The following VAT1L variants were observed in gnomAD, a reference collection of about 807,000 sequenced individuals.
VAT1L encodes putative NADPH-dependent quinone oxidoreductase VAT1L.
A neutral mutation model predicts 44.1 loss-of-function variants in VAT1L; 34 were observed. The observed-to-expected ratio is 0.77, with a 90% CI of 0.59 to 1.03. The LOEUF (loss-of-function observed/expected upper bound fraction) is 1.03. Ranked by LOEUF, VAT1L falls within the 50% of genes least tolerant of loss-of-function variation. The pLI is 0.00. For missense variants in VAT1L, 615 were observed against 538.8 expected, an observed-to-expected ratio of 1.14 and a Z score of -1.40; for synonymous variants, 253 against 202.2, an observed-to-expected ratio of 1.25 and a Z score of -2.13.
At chr16:77,892,472 C>T in intron 7 of VAT1L, 1 of 521,378 alleles carries the variant, frequency 1.9e-6, no homozygotes. Context: ...GATGGTGGGC[C>T]CTTGTGTCTC....
At chr16:77,975,343 G>A (rs1353868694) in intron 8 of VAT1L, among the ~76,000 whole-genome samples, 1 of 151,550 alleles carries the variant, frequency 6.6e-6, no homozygotes, top group Non-Finnish European at 1.5e-5. Flanking sequence ...TAGAATAGCT[G>A]GGATTAGAGG....
chr16:77,791,314 T>C (rs751912527), intron 1 of VAT1L, among the ~76,000 whole-genome samples: 5 of 152,354 alleles, frequency 3.3e-5, no homozygotes, highest in Admixed American at 3.3e-4. Context: ...TAATAGGATA[T>C]GCTTTTTGCT....
chr16:77,930,009 A>C lies in VAT1L; in HGVS notation c.1078-41841A>C, dbSNP rs2017711169. Among the ~76,000 whole-genome samples the C allele has an allele frequency of 3.9e-5, 6 of 152,244 alleles. No individual in the cohort carries two copies. The South Asian group carries it at 8.3e-4, about 21-fold the overall frequency. Reference sequence around the variant, plus strand: ...TTTCTTCCTGCGTGCCTTTCCAGAAAAGATGTCTTATTTCCAAATGAACCT... The same window carrying C: ...TTTCTTCCTGCGTGCCTTTCCAGAACAGATGTCTTATTTCCAAATGAACCT... On this transcript the variant is annotated intron_variant, in intron 7 of 8. Coordinates refer to ENST00000302536, the MANE Select transcript of VAT1L (RefSeq NM_020927.3).
rs1324712537 is a variant in VAT1L, at chr16:77,788,713, G to A, written c.31G>A (p.Glu11Lys). Residue 11 changes from glutamate (E) to lysine (K), a missense_variant, in exon 1 of 9, where the codon GAG becomes AAG. By Grantham distance (56) the Glu-to-Lys change is moderately conservative. Transcript: ENST00000302536. ...CAAGGAAGGCGTGGAGAAGGCGGAG[G>A]AGACGGAGCAAATGATCGAGAAGGA... MAKEGVEKAE[E>K]TEQMIEKEAG... 3.9e-6 allele frequency: 6 copies of A among 1,554,730 alleles called. No individual in the cohort carries two copies. The highest frequency in any genetic ancestry group is 1.8e-4 in the Middle Eastern group (1 of 5,578).
intron 4 of VAT1L, among the ~76,000 whole-genome samples, chr16:77,867,560 C>T (rs928233598): frequency 2.6e-5 from 4 of 151,926 alleles, no homozygotes; most frequent in Non-Finnish European, 4.4e-5. Flanking sequence ...TATCATGAGT[C>T]AAAAATATAT....
At chr16:77,853,704 G>T (rs537893728) in intron 3 of VAT1L, among the ~76,000 whole-genome samples, 1 of 152,218 alleles carries the variant, frequency 6.6e-6, no homozygotes, top group South Asian at 2.1e-4. Context: ...CTGCATTACA[G>T]CAAGTCCCCA....
At position 77,794,063 on chromosome 16, in the gene VAT1L, C is replaced by T. The variant is rs117686784; in HGVS notation, c.233+5148C>T. ...AGAGCCATGTGAACACCCAAGTGTG[C>T]CTAAAACCCAAATGGCTCTTTACAT... is the stretch of plus-strand genomic sequence containing the variant. On this transcript the variant is annotated intron_variant, in intron 1 of 8. Transcript: ENST00000302536. Among the ~76,000 whole-genome samples the T allele has an allele frequency of 8.8e-3, 1,343 of 152,178 alleles. 27 individuals carry two copies. The highest frequency in any genetic ancestry group is 9.1e-3 in the Non-Finnish European group (616 of 67,996).
At chr16:77,923,319 G>A (rs1217311467) in intron 7 of VAT1L, among the ~76,000 whole-genome samples, 4 of 152,044 alleles carry the variant, frequency 2.6e-5, no homozygotes, top group African/African-American at 7.2e-5. Context: ...GCATGGTGCC[G>A]CGCACCTGTA....
chr16:77,869,274 C>G (rs2017006404), intron 4 of VAT1L, among the ~76,000 whole-genome samples: 2 of 152,136 alleles, frequency 1.3e-5, no homozygotes, highest in South Asian at 4.1e-4. Context: ...AGGAATGGAG[C>G]TGTAATGACT....
chr16:77,788,946 T>A, intron 1 of VAT1L, 31 bp downstream of exon 1: 1 of 1,442,140 alleles, frequency 6.9e-7, no homozygotes, highest in Non-Finnish European at 9.1e-7. Flanking sequence ...TCGCTTTCTC[T>A]CTTTTTGCGC....
rs537326333 is a variant in VAT1L, at chr16:77,884,297, G to A, written c.883-311G>A. Among the ~76,000 whole-genome samples the A allele has an allele frequency of 1.8e-4, 27 of 152,120 alleles. No homozygotes were observed. Among genetic ancestry groups the A allele is most frequent in the African/African-American group, 6.3e-4 (26 of 41,520 alleles). ...AAATTAGCTGGGCATGGTCGTGGGC[G>A]CCTGTAATCCCAGCTACTCGGGAGG... On this transcript the variant is annotated intron_variant, in intron 6 of 8. Coordinates refer to ENST00000302536, the MANE Select transcript of VAT1L (RefSeq NM_020927.3). The surrounding 1 kb of genome is among the most constrained non-coding windows in gnomAD (Gnocchi z 4.5).
At chr16:77,883,431 G>A (rs8045423) in intron 6 of VAT1L, among the ~76,000 whole-genome samples, 4,514 of 152,298 alleles carry the variant, frequency 0.03, 231 homozygotes, top group African/African-American at 0.1. Flanking sequence ...ACATTAAATA[G>A]TTTGTAGGTA....
At chr16:77,835,323 A>G (rs1224364242) in intron 3 of VAT1L, among the ~76,000 whole-genome samples, 1 of 152,170 alleles carries the variant, frequency 6.6e-6, no homozygotes, top group Non-Finnish European at 1.5e-5. Flanking sequence ...TTCTCATGCT[A>G]TCCAACAGTC....
intron 7 of VAT1L, among the ~76,000 whole-genome samples, chr16:77,965,652 G>A (rs534328121): frequency 8.5e-5 from 13 of 152,188 alleles, no homozygotes; most frequent in Non-Finnish European, 1.8e-4. Context: ...CTGGGTGTGG[G>A]ACCATGGTCC....
chr16:77,792,276 A>G (rs2015848874), intron 1 of VAT1L, among the ~76,000 whole-genome samples: 1 of 152,272 alleles, frequency 6.6e-6, no homozygotes, highest in Non-Finnish European at 1.5e-5. Context: ...TATATAATAT[A>G]GGCAATATCA....
At chr16:77,931,095 C>T (rs1372802469) in intron 7 of VAT1L, among the ~76,000 whole-genome samples, 1 of 152,170 alleles carries the variant, frequency 6.6e-6, no homozygotes, top group Non-Finnish European at 1.5e-5. Context: ...GCAATTAACA[C>T]CCAGGTTATT....
intron 4 of VAT1L, 110 bp downstream of exon 4, chr16:77,863,000 T>C (rs1158789146): frequency 1.5e-6 from 2 of 1,374,192 alleles, no homozygotes; most frequent in Non-Finnish European, 2.0e-6. Flanking sequence ...AAACATATAT[T>C]GGGGGCTTAG....
rs759095582 is a variant in VAT1L at position 77,977,605 on chromosome 16, T to C, written c.1170T>C (p.Asn390=). The C allele has an allele frequency of 6.2e-7, 1 of 1,613,964 alleles. No homozygotes were observed. Among genetic ancestry groups the C allele is most frequent in the South Asian group, 1.1e-5 (1 of 91,062 alleles). Residue 390 remains asparagine, a synonymous_variant, in exon 9 of 9, where the codon AAT becomes AAC. Transcript: ENST00000302536. ...VEKTPTPLMA[N]DSTETSEAGE... is the part of the protein sequence containing the mutation. Reference sequence around the variant, plus strand: ...CCTCTTTTGAATTACAGATGGCCAATGACAGCACAGAGACCAGTGAAGCAG... The same window carrying C: ...CCTCTTTTGAATTACAGATGGCCAACGACAGCACAGAGACCAGTGAAGCAG...
intron 7 of VAT1L, among the ~76,000 whole-genome samples, chr16:77,896,732 G>T (rs190942146): frequency 6.6e-6 from 1 of 152,216 alleles, no homozygotes; most frequent in African/African-American, 2.4e-5. Context: ...GGAGACCAGC[G>T]TGTTGCAGAA....
Sources: gnomAD v4.1 joint callset for allele counts (sites outside exome capture counted in the v4.1 genomes callset) on GRCh38, gnomAD v4.1.1 for gene constraint, Gnocchi (gnomAD v3.1) non-coding constraint, MANE v1.5 for transcripts, NCBI Gene and HGNC (gene_info 2026-07-23, HGNC 2026-07-21) for gene names.